TAF1: variants seen among roughly 807,000 people sequenced by gnomAD.
The protein encoded by TAF1 is transcription initiation factor TFIID subunit 1.
TAF1 carries 2 observed loss-of-function variants against 138.5 expected under a neutral mutation model. That is an observed-to-expected ratio of 0.01 (90% CI 0.01 to 0.05). TAF1 has a LOEUF of 0.05. Among genes scored for constraint, TAF1 ranks in the 10% least tolerant of loss-of-function variants. The pLI is 1.00. For missense variants in TAF1, 709 were observed against 1,478.0 expected (o/e 0.48, Z 8.53); for synonymous variants, 437 against 503.2 (o/e 0.87, Z 1.76).
intron 14 of TAF1, among the ~76,000 whole-genome samples, chrX:71,386,178 G>A (rs868517357): frequency 1.9e-5 from 2 of 107,071 alleles, no homozygotes; most frequent in African/African-American, 6.9e-5. Context: ...AAAAAAAAAA[G>A]ATCTTTTTCT....
intron 13 of TAF1, among the ~76,000 whole-genome samples, chrX:71,516,229 T>C (rs765247637): frequency 9.5e-6 from 1 of 105,265 alleles, no homozygotes; most frequent in South Asian, 4.4e-4. Context: ...GCTCAGCTGA[T>C]TTTTTGCTTT....
chrX:71,476,817 A>G (rs189662340), intron 13 of TAF1, among the ~76,000 whole-genome samples: 1 of 111,652 alleles, frequency 9.0e-6, no homozygotes, highest in Non-Finnish European at 1.9e-5. Context: ...ATTATTCAAT[A>G]AACAGTGCTA....
intron 32 of TAF1, among the ~76,000 whole-genome samples, chrX:71,433,058 T>G (rs188537659): frequency 2.1e-3 from 233 of 111,859 alleles, no homozygotes; most frequent in Non-Finnish European, 3.8e-3. Flanking sequence ...TGTTGAGAGA[T>G]AGAAATTAAT....
intron 26 of TAF1, 29 bp downstream of exon 26, chrX:71,406,775 T>C (rs1327896699): frequency 1.7e-6 from 2 of 1,145,467 alleles, no homozygotes; most frequent in Non-Finnish European, 2.4e-6. Flanking sequence ...TCCTTCTGAT[T>C]AGGTAGGTTA....
chrX:71,401,334 G>A (rs192026919), intron 24 of TAF1, among the ~76,000 whole-genome samples, 194 bp from the exon 25 acceptor site: 211 of 111,422 alleles, frequency 1.9e-3, no homozygotes, highest in African/African-American at 6.5e-3. Flanking sequence ...ATCGTGGTAC[G>A]TGGAGCCTGT....
intron 13 of TAF1, among the ~76,000 whole-genome samples, chrX:71,493,865 T>C: frequency 9.0e-6 from 1 of 111,566 alleles, no homozygotes; most frequent in Non-Finnish European, 1.9e-5. Flanking sequence ...GGCTTGGTGA[T>C]TCTCCCCTGT....
intron 32 of TAF1, among the ~76,000 whole-genome samples, chrX:71,428,187 T>A (rs2036695436): frequency 9.3e-6 from 1 of 107,725 alleles, no homozygotes; most frequent in South Asian, 4.2e-4. Context: ...GGCTAATTTT[T>A]GTATTTTTAG....
chrX:71,482,352 C>A (rs1474040121), intron 13 of TAF1, among the ~76,000 whole-genome samples: 3 of 112,155 alleles, frequency 2.7e-5, no homozygotes, highest in Non-Finnish European at 5.6e-5. Context: ...TATTTCTTCC[C>A]TGCACATATA....
intron 17 of TAF1, 45 bp downstream of exon 17, chrX:71,388,913 G>GTTTT: frequency 1.0e-6 from 1 of 972,380 alleles, no homozygotes; most frequent in Non-Finnish European, 1.4e-6. Context: ...GTGGTTTTTT[G>GTTTT]TTTTTTTTTT....
At chrX:71,393,529 C>T in intron 21 of TAF1, 53 bp downstream of exon 21, 1 of 1,138,298 alleles carries the variant, frequency 8.8e-7, no homozygotes, top group Non-Finnish European at 1.2e-6. Flanking sequence ...GGAGGAGTTC[C>T]AGGCACTATT....
At chrX:71,429,880 ACTCATG>A (rs2036789539) in intron 32 of TAF1, among the ~76,000 whole-genome samples, 1 of 110,926 alleles carries the variant, frequency 9.0e-6, no homozygotes, top group Non-Finnish European at 1.9e-5. Context: ...GGTATCAAGC[ACTCATG>A]CTCTTGGTGG....
chrX:71,445,478 GT>G (rs1462501413), intron 32 of TAF1, among the ~76,000 whole-genome samples: 1 of 111,391 alleles, frequency 9.0e-6, no homozygotes, highest in African/African-American at 3.3e-5. Flanking sequence ...TGGATGTCCA[GT>G]TTTTCGTCAT....
intron 13 of TAF1, among the ~76,000 whole-genome samples, chrX:71,480,704 T>C (rs2039055948): frequency 9.0e-6 from 1 of 111,325 alleles, no homozygotes; most frequent in Admixed American, 9.6e-5. Context: ...AACACTAAAG[T>C]AATATAATGG....
At chrX:71,523,905 A>C (rs747953254) in intron 13 of TAF1, among the ~76,000 whole-genome samples, 1 of 111,985 alleles carries the variant, frequency 8.9e-6, no homozygotes, top group East Asian at 2.8e-4. Context: ...GATGCACAGG[A>C]ACTTTTAACT....
At chrX:71,518,692 CT>C (rs41486346) in intron 13 of TAF1, among the ~76,000 whole-genome samples, 258 of 79,160 alleles carry the variant, frequency 3.3e-3, no homozygotes, top group South Asian at 0.01. Flanking sequence ...TCTTTTCTTT[CT>C]TTTTTTTTTT....
At chrX:71,409,194 C>T (rs996652095) in intron 28 of TAF1, among the ~76,000 whole-genome samples, 13 of 103,289 alleles carry the variant, frequency 1.3e-4, no homozygotes, top group Non-Finnish European at 6.0e-5. Context: ...ATCTGTTTGT[C>T]TTTTTTTTTT....
rs1390479592 is a variant in TAF1 at position 71,377,175 on chromosome X, A to C, written c.698A>C (p.Glu233Ala). The change falls in exon 5 of 38, where the codon GAA becomes GCA. Residue 233 changes from glutamate to alanine, a missense_variant. Glu to Ala is a moderately radical substitution (Grantham distance 107). Transcript: ENST00000423759. ...CCAAGTGTCACAGAACTTTTTCCAG[A>C]ATTTCGACCTGGAAAGGTACATTCT... ...LLPSVTELFP[E>A]FRPGKVLRFL... The C allele has an allele frequency of 8.3e-7, 1 of 1,209,443 alleles. No individual in the cohort carries two copies. The highest frequency in any genetic ancestry group is 1.8e-5 in the African/African-American group (1 of 56,980).
rs764521361 is a variant in TAF1, at chrX:71,471,524, G to T, written c.1366+10721G>T. 1.2e-4 allele frequency among the ~76,000 whole-genome samples: 12 copies of T among 101,386 alleles called. No individual in the cohort carries two copies. In the South Asian group the frequency reaches 5.7e-3, roughly 48 times the overall value. The allele number at this position is 101,386 out of a possible 115,157, so 88.0% of individuals were successfully genotyped here. A position where few individuals can be genotyped will look rare whatever the true frequency, so the allele number is the denominator to read the frequency against. ...CTGTCGCCCAGGCTGGAGTGCAGTG[G>T]TGCAATCATGGCTCACCAAAACCTT... On this transcript the variant is annotated intron_variant and NMD_transcript_variant, in intron 13 of 14. Coordinates refer to the TAF1 transcript ENST00000373775.
intron 14 of TAF1, among the ~76,000 whole-genome samples, chrX:71,529,098 G>GTC (rs1487346857): frequency 1.9e-5 from 2 of 105,263 alleles, no homozygotes; most frequent in Non-Finnish European, 3.9e-5. Flanking sequence ...TTGAGACAGA[G>GTC]TCTCGCTCTG....
Sources: allele counts gnomAD v4.1 joint callset (sites outside exome capture counted in the v4.1 genomes callset), GRCh38; gene constraint gnomAD v4.1.1; transcripts MANE v1.5; gene names NCBI Gene and HGNC (gene_info 2026-07-23, HGNC 2026-07-21).